The following MUC5AC variants were observed in gnomAD, a reference collection of about 807,000 sequenced individuals.
MUC5AC encodes the protein mucin 5AC, oligomeric mucus/gel-forming, also known as mucin-5AC.
MUC5AC carries 158 observed loss-of-function variants against 169.7 expected under a neutral mutation model. The ratio of observed to expected loss-of-function variants is 0.93; its 90% CI spans 0.82 to 1.06. The LOEUF (loss-of-function observed/expected upper bound fraction) is 1.06, where lower values mean the gene tolerates loss of function less well. Among genes scored for constraint, MUC5AC ranks in the 50% least tolerant of loss-of-function variants. The pLI, the probability that MUC5AC is intolerant of heterozygous loss-of-function variation, is 0.00. For synonymous variants in MUC5AC, 1,975 were observed against 1,237.0 expected, an observed-to-expected ratio of 1.60 and a Z score of -12.52; for missense variants, 4,359 against 3,089.9, an observed-to-expected ratio of 1.41 and a Z score of -9.74.
chr11:1,171,785 C>A (rs1353098962), intron 15 of MUC5AC, among the ~76,000 whole-genome samples: 2 of 144,940 alleles, frequency 1.4e-5, no homozygotes, highest in Non-Finnish European at 3.0e-5. Context: ...CTCACCCATT[C>A]ACCCACTCAC....
Position 1,162,085 on chromosome 11 carries a change from C to T in MUC5AC, c.390C>T (p.Ala130=), listed in dbSNP as rs773335533. The stretch of plus-strand genomic sequence containing the variant: ...TACGCCGCAGCCAGGAGTCAGCGGC[C>T]CCCACGCTGAGCAGGGTCCTCATGA... ...IQLRRSQESA[A]PTLSRVLMKV... Residue 130 remains alanine (A), a synonymous_variant, in exon 4 of 49, where the codon GCC becomes GCT. Transcript: ENST00000621226. 2.5e-6 allele frequency: 4 copies of T among 1,612,608 alleles called. No homozygotes were observed. Among genetic ancestry groups the T allele is most frequent in the Admixed American group, 3.3e-5 (2 of 60,008 alleles).
rs920507599 is a variant in MUC5AC at position 1,189,623 on chromosome 11, C to T, written c.11478C>T (p.Ser3826=). The change falls in exon 31 of 49, where the codon TCC becomes TCT. Residue 3826 remains serine, a synonymous_variant. Transcript: ENST00000621226. The part of the protein sequence containing the change: ...TSTPQTSTTS[S]PTTSTTSAPT... ...CTCCGCAGACCAGCACAACCTCTTC[C>T]CCTACAACTAGCACAACCTCAGCTC... 1.3e-5 allele frequency: 8 copies of T among 621,244 alleles called. No individual in the cohort carries two copies. The highest frequency in any genetic ancestry group is 2.3e-5 in the Non-Finnish European group (8 of 349,704). The allele number at this position is 621,244 out of a possible 1,614,324, so 38.5% of individuals were successfully genotyped here. A position where few individuals can be genotyped will look rare whatever the true frequency, so the allele number is the denominator to read the frequency against.
chr11:1,200,403 C>T (rs752295478), intron 48 of MUC5AC, 35 bp from the exon 49 acceptor site: 68 of 649,260 alleles, frequency 1.0e-4, no homozygotes, highest in South Asian at 3.8e-4. Flanking sequence ...GCTGGGGTGG[C>T]GCAGCAGCTG....
In MUC5AC at chr11:1,174,609, G is replaced by A; in HGVS notation, c.2079G>A (p.Arg693=). 1 of 1,304,858 alleles carries A rather than the reference G, an allele frequency of 7.7e-7. No homozygotes were observed. Among genetic ancestry groups the A allele is most frequent in the Non-Finnish European group, 1.1e-6 (1 of 939,368 alleles). The allele number at this position is 1,304,858 out of a possible 1,614,324, so 80.8% of individuals were successfully genotyped here. Residue 693 remains arginine, a synonymous_variant, in exon 17 of 49, where the codon AGG becomes AGA. Coordinates refer to ENST00000621226, the MANE Select transcript of MUC5AC (RefSeq NM_001304359.2). ...AGGGCGTGCAGCTCGGCGGCTGGAG[G>A]GACGGCGTCTGCAGTGAGTGCCTGC... The part of the protein sequence containing the change: ...AAKGVQLGGW[R]DGVCTKPMTT...
Position 1,200,922 on chromosome 11 carries a change from C to G in MUC5AC, c.*220C>G, listed in dbSNP as rs1025967556. On this transcript the variant is annotated 3_prime_UTR_variant, in exon 49 of 49. Coordinates refer to ENST00000621226, the MANE Select transcript of MUC5AC (RefSeq NM_001304359.2). ...CCTGCAGCCACCTCTCAGGACCAGC[C>G]CCGGGGCTGGCCGAGCTCCTCTGGC... 5 of 440,432 alleles carry G rather than the reference C, an allele frequency of 1.1e-5. No homozygotes were observed. The highest frequency in any genetic ancestry group is 2.0e-5 in the Non-Finnish European group (5 of 247,920). 27.3% of individuals were successfully genotyped at this position (440,432 alleles called of 1,614,324 possible).
intron 2 of MUC5AC, among the ~76,000 whole-genome samples, chr11:1,161,194 G>C (rs773682794): frequency 1.3e-5 from 2 of 152,224 alleles, no homozygotes; most frequent in Non-Finnish European, 2.9e-5. Context: ...GGCCAGACAG[G>C]CCTAATCTCA....
At position 1,196,537 on chromosome 11, in the gene MUC5AC, C is replaced by T. The variant is rs944413453; in HGVS notation, c.15725+62C>T. 3.3e-5 allele frequency: 25 copies of T among 763,984 alleles called. 1 individual carries two copies. The highest frequency in any genetic ancestry group is 5.4e-5 in the South Asian group (4 of 74,552). The allele number at this position is 763,984 out of a possible 1,614,324, so 47.3% of individuals were successfully genotyped here. On this transcript the variant is annotated intron_variant, in intron 38 of 48. Coordinates refer to ENST00000621226, the MANE Select transcript of MUC5AC (RefSeq NM_001304359.2). ...TGGAGCCACCCAGTCCCCAGCCTCC[C>T]GCTGCATCTCCCACTCCCAGGCTGG...
At position 1,199,765 on chromosome 11, in the gene MUC5AC, G is replaced by GT; in HGVS notation, c.16585+2dup. The GT allele has an allele frequency of 1.4e-6, 1 of 716,684 alleles. No homozygotes were observed. Among genetic ancestry groups the GT allele is most frequent in the Non-Finnish European group, 2.5e-6 (1 of 393,260 alleles). 44.4% of individuals were successfully genotyped at this position (716,684 alleles called of 1,614,324 possible). A position where few individuals can be genotyped will look rare whatever the true frequency, so the allele number is the denominator to read the frequency against. On this transcript the variant is annotated splice_donor_variant, in intron 47 of 48. Coordinates refer to ENST00000621226, the MANE Select transcript of MUC5AC (RefSeq NM_001304359.2). LOFTEE classifies it high-confidence loss of function. ...CCGCCCCCGCCCCCGTACCAGAACCGTGAGTACCCAGCCTGCTGGGCGGGG... is the reference window on the plus strand; with the variant it reads ...CCGCCCCCGCCCCCGTACCAGAACCGTTGAGTACCCAGCCTGCTGGGCGGGG...
rs1378269379 is a variant in MUC5AC, at chr11:1,192,833, C to G, written c.14431C>G (p.Leu4811Val). ...CCTCGCTGGCCATTGCTATTATGCC[C>G]TGTGTAGCCAGGACTGCCAAGTGGT... is the stretch of plus-strand genomic sequence containing the variant. ...RDLAGHCYYA[L>V]CSQDCQVVRG... Residue 4811 changes from leucine to valine, a missense_variant, in exon 32 of 49, where the codon CTG (leucine) becomes GTG (valine). By Grantham distance (32) the Leu-to-Val change is conservative. Coordinates refer to ENST00000621226, the MANE Select transcript of MUC5AC (RefSeq NM_001304359.2). The G allele has an allele frequency of 3.9e-6, 3 of 764,814 alleles. No individual in the cohort carries two copies. In the South Asian group the frequency reaches 4.0e-5, roughly 10 times the overall value. The allele number at this position is 764,814 out of a possible 1,614,324, so 47.4% of individuals were successfully genotyped here.
chr11:1,177,110 C>G, intron 22 of MUC5AC, 44 bp downstream of exon 22: 1 of 398,648 alleles, frequency 2.5e-6, no homozygotes, highest in East Asian at 3.6e-5. Context: ...CCCCGTGGCC[C>G]GAAGCTGCTC....
intron 41 of MUC5AC, 122 bp downstream of exon 41, chr11:1,197,761 C>T (rs2133777323): frequency 3.2e-6 from 2 of 629,790 alleles, no homozygotes; most frequent in South Asian, 3.5e-5. Context: ...AGGGCGTCCC[C>T]TCCTCCGCTT....
At chr11:1,162,246 T>G in intron 4 of MUC5AC, 78 bp downstream of exon 4, 1 of 1,545,978 alleles carries the variant, frequency 6.5e-7, no homozygotes, top group South Asian at 1.2e-5. Flanking sequence ...GGTTTCGCGG[T>G]CCTGGGAGGG....
rs1310460226 is a variant in MUC5AC at position 1,192,431 on chromosome 11, C to T, written c.14286C>T (p.Ser4762=). The T allele has an allele frequency of 2.6e-6, 2 of 765,152 alleles. No individual in the cohort carries two copies. The highest frequency in any genetic ancestry group is 1.3e-5 in the South Asian group (1 of 74,626). 47.4% of individuals were successfully genotyped at this position (765,152 alleles called of 1,614,324 possible). A position where few individuals can be genotyped will look rare whatever the true frequency, so the allele number is the denominator to read the frequency against. Residue 4762 remains serine, a synonymous_variant, in exon 31 of 49, where the codon TCC becomes TCT. Coordinates refer to ENST00000621226, the MANE Select transcript of MUC5AC (RefSeq NM_001304359.2). The part of the protein sequence containing the change: ...STSMVSASVA[S]TSVASSSVAS... The stretch of plus-strand genomic sequence containing the variant: ...CCATGGTATCCGCCTCCGTGGCATC[C>T]ACCTCTGTGGCATCCAGCTCTGTGG...
At position 1,188,720 on chromosome 11, in the gene MUC5AC, C is replaced by T; in HGVS notation, c.10575C>T (p.Thr3525=). The change falls in exon 31 of 49, where the codon ACC becomes ACT. Residue 3525 remains threonine (T), a synonymous_variant. Transcript: ENST00000621226. ...PVTRDCHPRC[T]WTKWFDVDFP... ...CCAGAGACTGTCATCCCCGGTGCAC[C>T]TGGACCAAATGGTTTGATGTGGACT... 1.3e-6 allele frequency: 1 copy of T among 764,630 alleles called. No homozygotes were observed. Among genetic ancestry groups the T allele is most frequent in the Non-Finnish European group, 2.4e-6 (1 of 417,618 alleles). 47.4% of individuals were successfully genotyped at this position (764,630 alleles called of 1,614,324 possible).
chr11:1,199,546 G>A (rs1861369985), intron 46 of MUC5AC, 56 bp downstream of exon 46: 1 of 698,806 alleles, frequency 1.4e-6, no homozygotes, highest in African/African-American at 1.7e-5. Context: ...AGATGGGTTT[G>A]GGGGGCTGTG....
In MUC5AC at chr11:1,185,062, A is replaced by G. The variant is rs1169656595; in HGVS notation, c.6917A>G (p.Asn2306Ser). 162 of 522,938 alleles carry G rather than the reference A, an allele frequency of 3.1e-4. No homozygotes were observed. In the African/African-American group the frequency reaches 3.8e-3, roughly 12 times the overall value. The allele number at this position is 522,938 out of a possible 1,614,324, so 32.4% of individuals were successfully genotyped here. ...SPASTTSGPG[N>S]TPSPVPTTST... is the part of the protein sequence containing the mutation. ...GCCAGCACAACCTCTGGTCCTGGAA[A>G]TACTCCCAGCCCTGTTCCTACCACC... The change falls in exon 31 of 49, where the codon AAT (asparagine) becomes AGT (serine). Residue 2306 changes from asparagine to serine, a missense_variant. Coordinates refer to ENST00000621226, the MANE Select transcript of MUC5AC (RefSeq NM_001304359.2).
At position 1,192,234 on chromosome 11, in the gene MUC5AC, C is replaced by G. The variant is rs781353013; in HGVS notation, c.14089C>G (p.Arg4697Gly). The G allele has an allele frequency of 3.9e-6, 3 of 765,108 alleles. No homozygotes were observed. Among genetic ancestry groups the G allele is most frequent in the Middle Eastern group, 2.3e-4 (1 of 4,440 alleles). The allele number at this position is 765,108 out of a possible 1,614,324, so 47.4% of individuals were successfully genotyped here. Residue 4697 changes from arginine (R) to glycine (G), a missense_variant, in exon 31 of 49, where the codon CGT (arginine) becomes GGT (glycine). Physicochemically the swap from Arg to Gly is moderately radical, Grantham distance 125. Transcript: ENST00000621226. Reference protein sequence around the residue: ...EHLGQVVQCSREEGLVCRNQD... With the variant: ...EHLGQVVQCSGEEGLVCRNQD... ...CCTGGGTCAGGTGGTGCAGTGCAGC[C>G]GTGAAGAGGGCCTGGTGTGCCGGAA...
chr11:1,167,580 C>T (rs1860372758), intron 11 of MUC5AC, among the ~76,000 whole-genome samples: 1 of 152,218 alleles, frequency 6.6e-6, no homozygotes. Flanking sequence ...GCTCCTCACC[C>T]CTCTCTCGCC....
chr11:1,191,916 A>C lies in MUC5AC; in HGVS notation c.13771A>C (p.Thr4591Pro). The change falls in exon 31 of 49, where the codon ACT (threonine) becomes CCT (proline). Residue 4591 changes from threonine to proline, a missense_variant. Coordinates refer to ENST00000621226, the MANE Select transcript of MUC5AC (RefSeq NM_001304359.2). Reference protein sequence around the residue: ...PTTSTTSGPGTTPSPVPTTST... With the variant: ...PTTSTTSGPGPTPSPVPTTST... ...AACCAGCACGACCTCTGGTCCTGGA[A>C]CTACTCCCAGCCCCGTTCCCACCAC... 1 of 764,980 alleles carries C rather than the reference A, an allele frequency of 1.3e-6. No individual in the cohort carries two copies. The highest frequency in any genetic ancestry group is 2.4e-6 in the Non-Finnish European group (1 of 417,756). The allele number at this position is 764,980 out of a possible 1,614,324, so 47.4% of individuals were successfully genotyped here.
Sources: allele counts gnomAD v4.1 joint callset (sites outside exome capture counted in the v4.1 genomes callset), GRCh38; gene constraint gnomAD v4.1.1; transcripts MANE v1.5; gene names NCBI Gene and HGNC (gene_info 2026-07-23, HGNC 2026-07-21).